PANX3: variants seen among roughly 807,000 people sequenced by gnomAD.
PANX3 encodes the protein pannexin-3.
PANX3 carries 18 observed loss-of-function variants against 31.5 expected under a neutral mutation model. That is an observed-to-expected ratio of 0.57 (90% CI 0.39 to 0.85). The LOEUF (loss-of-function observed/expected upper bound fraction) is 0.85, where lower values mean the gene tolerates loss of function less well. Ranked by LOEUF, PANX3 falls within the 40% of genes least tolerant of loss-of-function variation. The pLI is 0.00. For missense variants in PANX3, 426 were observed against 485.4 expected (o/e 0.88, Z 1.15); for synonymous variants, 194 against 201.6 (o/e 0.96, Z 0.32).
At chr11:124,618,681 G>A (rs1863180331) in intron 3 of PANX3, among the ~76,000 whole-genome samples, 1 of 152,206 alleles carries the variant, frequency 6.6e-6, no homozygotes, top group East Asian at 1.9e-4. Flanking sequence ...GTCTCACTCT[G>A]TTGCCCAGGC....
At chr11:124,613,898 A>G (rs990168404) in intron 2 of PANX3, among the ~76,000 whole-genome samples, 1 of 152,108 alleles carries the variant, frequency 6.6e-6, no homozygotes, top group Non-Finnish European at 1.5e-5. Flanking sequence ...CCAGTCTTCA[A>G]TATTGGGCTC....
At position 124,617,264 on chromosome 11, in the gene PANX3, C is replaced by G; in HGVS notation, c.325-10C>G. The G allele has an allele frequency of 6.3e-7, 1 of 1,599,368 alleles. No individual in the cohort carries two copies. Among genetic ancestry groups the G allele is most frequent in the Non-Finnish European group, 8.5e-7 (1 of 1,178,350 alleles). ...CCCGGCCTCCCTCCTCAGCTGCTCT[C>G]GCCCTGCAGGCCCTCCCCTACTCCC... On this transcript the variant is annotated splice_polypyrimidine_tract_variant and intron_variant, in intron 2 of 3. Coordinates refer to ENST00000284288, the MANE Select transcript of PANX3 (RefSeq NM_052959.3).
chr11:124,616,543 A>G lies in PANX3; in HGVS notation c.325-731A>G, dbSNP rs2134312102. Among the ~76,000 whole-genome samples the G allele has an allele frequency of 6.6e-6, 1 of 152,326 alleles. No individual in the cohort carries two copies. Among genetic ancestry groups the G allele is most frequent in the South Asian group, 2.1e-4 (1 of 4,830 alleles). On this transcript the variant is annotated intron_variant, in intron 2 of 3. Transcript: ENST00000284288. The surrounding 1 kb of genome is among the most constrained non-coding windows in gnomAD (Gnocchi z 4.8). ...TCAAGGTATGAATGGAGGGAGGTGG[A>G]CATGGACACAATTCAACCCATATCA...
Position 124,617,462 on chromosome 11 carries a change from C to T in PANX3, c.513C>T (p.Pro171=). 6.2e-7 allele frequency: 1 copy of T among 1,614,240 alleles called. No individual in the cohort carries two copies. Among genetic ancestry groups the T allele is most frequent in the East Asian group, 2.2e-5 (1 of 44,886 alleles). ...MLKIRQKSSD[P]YVFWNELEKA... is the part of the protein sequence containing the mutation. ...AGATCCGGCAGAAGAGTTCCGACCC[C>T]TATGTGTTCTGGAATGAGCTGGAGA... is the stretch of plus-strand genomic sequence containing the variant. The change falls in exon 3 of 4, where the codon CCC becomes CCT. Residue 171 remains proline (P), a synonymous_variant. Transcript: ENST00000284288.
chr11:124,613,248 A>G (rs1863116190), intron 2 of PANX3, 126 bp downstream of exon 2: 5 of 1,154,466 alleles, frequency 4.3e-6, no homozygotes, highest in Non-Finnish European at 5.9e-6. Flanking sequence ...ACTTACTTTC[A>G]TGTTTCAGGC....
At chr11:124,617,211 C>T in intron 2 of PANX3, 63 bp from the exon 3 acceptor site, 1 of 1,301,728 alleles carries the variant, frequency 7.7e-7, no homozygotes, top group Non-Finnish European at 1.1e-6. Context: ...GCCCCTCAGT[C>T]AGCACTGTCA....
At chr11:124,615,947 G>A (rs889146310) in intron 2 of PANX3, among the ~76,000 whole-genome samples, 1 of 152,168 alleles carries the variant, frequency 6.6e-6, no homozygotes, top group Non-Finnish European at 1.5e-5. Flanking sequence ...ACAGGAGGCG[G>A]AGCTTGCAGT....
In PANX3 at chr11:124,613,048, T is replaced by C; in HGVS notation, c.250T>C (p.Cys84Arg). Residue 84 changes from cysteine to arginine, a missense_variant, in exon 2 of 4, where the codon TGC becomes CGC. Physicochemically the swap from Cys to Arg is radical, Grantham distance 180. Coordinates refer to ENST00000284288, the MANE Select transcript of PANX3 (RefSeq NM_052959.3). ...GCAGGCAGCCTACGTGGACAGCTCC[T>C]GCTGGGACTCACTGCTTCACCATAA... ...IRQAAYVDSS[C>R]WDSLLHHKQD... 1 of 1,614,154 alleles carries C rather than the reference T, an allele frequency of 6.2e-7. No homozygotes were observed. Among genetic ancestry groups the C allele is most frequent in the South Asian group, 1.1e-5 (1 of 91,084 alleles).
Position 124,619,974 on chromosome 11 carries a change from C to T in PANX3, c.*39C>T, listed in dbSNP as rs377103590. On this transcript the variant is annotated 3_prime_UTR_variant, in exon 4 of 4. Transcript: ENST00000284288. Reference sequence around the variant, plus strand: ...GAGCAAGAAAGCTTGTGGAAAGTCTCTCTCCTTCCTCATAAGACATGCACA... The same window carrying T: ...GAGCAAGAAAGCTTGTGGAAAGTCTTTCTCCTTCCTCATAAGACATGCACA... 3.6e-5 allele frequency: 56 copies of T among 1,548,198 alleles called. No individual in the cohort carries two copies. The African/African-American group carries it at 7.7e-4, about 21-fold the overall frequency.
At position 124,619,792 on chromosome 11, in the gene PANX3, C is replaced by G; in HGVS notation, c.1036C>G (p.Leu346Val). The stretch of plus-strand genomic sequence containing the variant: ...CTCTGAGCTCATCTCTTTTAGCTGG[C>G]TGAGTGTCTTATGTGTGTTGAAGGA... ...NISELISFSW[L>V]SVLCVLKDTT... is the part of the protein sequence containing the mutation. Residue 346 changes from leucine (L) to valine (V), a missense_variant, in exon 4 of 4, where the codon CTG (leucine) becomes GTG (valine). Leu to Val is a conservative substitution (Grantham distance 32). Transcript: ENST00000284288. 6.2e-7 allele frequency: 1 copy of G among 1,614,156 alleles called. No individual in the cohort carries two copies. The highest frequency in any genetic ancestry group is 8.5e-7 in the Non-Finnish European group (1 of 1,180,034).
In PANX3 at chr11:124,616,096, G is replaced by C. The variant is rs564757573; in HGVS notation, c.325-1178G>C. Among the ~76,000 whole-genome samples the C allele has an allele frequency of 1.2e-4, 19 of 152,294 alleles. No individual in the cohort carries two copies. Among genetic ancestry groups the C allele is most frequent in the Admixed American group, 1.2e-3 (18 of 15,282 alleles). On this transcript the variant is annotated intron_variant, in intron 2 of 3. Transcript: ENST00000284288. This position sits in a 1 kb window ranked among gnomAD's most constrained non-coding sequence, Gnocchi z 4.8. ...AAAATAGTTGGCCCAACCCTGCTAG[G>C]TGTGGTAAGTATGATGAGGAAACCT... is the stretch of plus-strand genomic sequence containing the variant.
At position 124,616,129 on chromosome 11, in the gene PANX3, A is replaced by C. The variant is rs180950086; in HGVS notation, c.325-1145A>C. Among the ~76,000 whole-genome samples, 7 of 152,358 alleles carry C rather than the reference A, an allele frequency of 4.6e-5. No homozygotes were observed. The highest frequency in any genetic ancestry group is 1.3e-4 in the Admixed American group (2 of 15,300). ...AGTATGATGAGGAAACCTGAAGAAA[A>C]GTGCCTGTGTTAATTTGCTAGAGCT... On this transcript the variant is annotated intron_variant, in intron 2 of 3. Transcript: ENST00000284288. This position sits in a 1 kb window ranked among gnomAD's most constrained non-coding sequence, Gnocchi z 4.8.
At chr11:124,614,908 C>T (rs192347609) in intron 2 of PANX3, among the ~76,000 whole-genome samples, 342 of 151,758 alleles carry the variant, frequency 2.3e-3, no homozygotes, top group Non-Finnish European at 3.6e-3. Context: ...AACTCCTGAC[C>T]TTGTGATCCG....
rs1863156637 is a variant in PANX3, at chr11:124,616,737, C to G, written c.325-537C>G. Among the ~76,000 whole-genome samples the G allele has an allele frequency of 6.6e-6, 1 of 152,178 alleles. No individual in the cohort carries two copies. Among genetic ancestry groups the G allele is most frequent in the South Asian group, 2.1e-4 (1 of 4,824 alleles). The stretch of plus-strand genomic sequence containing the variant: ...CAAGAATCCAAAAATCAGAAAAGAC[C>G]ACTGTGCATCAGACAAGTCCAGGAA... On this transcript the variant is annotated intron_variant, in intron 2 of 3. Transcript: ENST00000284288. The surrounding 1 kb of genome is among the most constrained non-coding windows in gnomAD (Gnocchi z 4.8).
rs77937547 is a variant in PANX3, at chr11:124,611,459, C to G, written c.-98C>G. ...ATCCATAAGGCTGGGGTGGCAGGCA[C>G]TGTCTGCCCAAAGTCAGCTGCCTGA... On this transcript the variant is annotated 5_prime_UTR_variant, in exon 1 of 4. Coordinates refer to ENST00000284288, the MANE Select transcript of PANX3 (RefSeq NM_052959.3). 3,566 of 1,170,712 alleles carry G rather than the reference C, an allele frequency of 3.0e-3. 81 individuals carry two copies. In the African/African-American group the frequency reaches 0.047, roughly 15 times the overall value. The allele number at this position is 1,170,712 out of a possible 1,614,324, so 72.5% of individuals were successfully genotyped here.
intron 2 of PANX3, 77 bp from the exon 3 acceptor site, chr11:124,617,197 G>T: frequency 8.5e-7 from 1 of 1,182,208 alleles, no homozygotes; most frequent in Non-Finnish European, 1.2e-6. Flanking sequence ...CAGGGGAAAG[G>T]AGAGCCCCTC....
intron 3 of PANX3, among the ~76,000 whole-genome samples, chr11:124,617,918 T>C (rs1591368969): frequency 1.3e-5 from 2 of 152,222 alleles, no homozygotes; most frequent in African/African-American, 4.8e-5. Context: ...CTGAACAAAT[T>C]ATTTATCTAT....
At chr11:124,619,065 C>T (rs539540113) in intron 3 of PANX3, among the ~76,000 whole-genome samples, 10 of 152,300 alleles carry the variant, frequency 6.6e-5, no homozygotes, top group African/African-American at 2.4e-4. Context: ...TAAATCATTA[C>T]TCACTGATCA....
In PANX3 at chr11:124,619,391, G is replaced by A. The variant is rs780300526; in HGVS notation, c.635G>A (p.Arg212Lys). 6.2e-7 allele frequency: 1 copy of A among 1,614,120 alleles called. No homozygotes were observed. Among genetic ancestry groups the A allele is most frequent in the Non-Finnish European group, 8.5e-7 (1 of 1,180,006 alleles). The part of the protein sequence containing the change: ...SHSLVATYLL[R>K]NSLLLIFTSA... ...TCGCTAGTGGCTACCTACCTCCTGA[G>A]GAACTCCCTCTTGCTCATCTTCACC... Residue 212 changes from arginine to lysine, a missense_variant, in exon 4 of 4, where the codon AGG becomes AAG. By Grantham distance (26) the Arg-to-Lys change is conservative (BLOSUM62 2). Coordinates refer to ENST00000284288, the MANE Select transcript of PANX3 (RefSeq NM_052959.3).
Sources: gnomAD v4.1 joint callset for allele counts (sites outside exome capture counted in the v4.1 genomes callset) on GRCh38, gnomAD v4.1.1 for gene constraint, Gnocchi (gnomAD v3.1) non-coding constraint, MANE v1.5 for transcripts, NCBI Gene and HGNC (gene_info 2026-07-23, HGNC 2026-07-21) for gene names.